Variants in NTM observed in about 807,000 individuals in gnomAD.
NTM encodes the protein IgLON family member 2.
NTM carries 13 observed loss-of-function variants against 42.1 expected under a neutral mutation model. The observed-to-expected ratio is 0.31, with a 90% CI of 0.20 to 0.49. NTM has a LOEUF of 0.49. Ranked by LOEUF, NTM falls within the 20% of genes least tolerant of loss-of-function variation. The pLI is 0.99. For missense variants in NTM, 373 were observed against 452.8 expected (o/e 0.82, Z 1.60); for synonymous variants, 187 against 179.2 (o/e 1.04, Z -0.35).
intron 4 of NTM, among the ~76,000 whole-genome samples, chr11:132,243,692 AGT>A (rs770868419): frequency 6.6e-6 from 1 of 152,190 alleles, no homozygotes; most frequent in Non-Finnish European, 1.5e-5. Flanking sequence ...ACCTTATGAC[AGT>A]GTGTTTTTAC....
At chr11:131,676,849 A>T (rs1032256800) in intron 1 of NTM, among the ~76,000 whole-genome samples, 2 of 152,228 alleles carry the variant, frequency 1.3e-5, no homozygotes, top group Non-Finnish European at 2.9e-5. Flanking sequence ...GCCCAGATCC[A>T]CTTCAGCCTC....
At chr11:131,467,736 G>A (rs1591755751) in intron 1 of NTM, among the ~76,000 whole-genome samples, 1 of 152,256 alleles carries the variant, frequency 6.6e-6, no homozygotes, top group East Asian at 1.9e-4. Context: ...ATATAGAAAG[G>A]ATATTTTATG....
At chr11:131,417,196 T>G (rs1332940536) in intron 1 of NTM, among the ~76,000 whole-genome samples, 1 of 152,184 alleles carries the variant, frequency 6.6e-6, no homozygotes, top group Non-Finnish European at 1.5e-5. Flanking sequence ...CAAATACCAT[T>G]TGTTTCATCT....
rs1555127949 is a variant in NTM at position 131,789,636 on chromosome 11, A to AGAAGAAGGAAGAAG, written c.83-121928_83-121927insGAAGAAGGAAGAAG. Among the ~76,000 whole-genome samples, 2 of 30,900 alleles carry AGAAGAAGGAAGAAG rather than the reference A, an allele frequency of 6.5e-5. 1 individual carries two copies. Among genetic ancestry groups the AGAAGAAGGAAGAAG allele is most frequent in the African/African-American group, 2.4e-4 (2 of 8,276 alleles). 20.3% of individuals were successfully genotyped at this position (30,900 alleles called of 152,430 possible). A position where few individuals can be genotyped will look rare whatever the true frequency, so the allele number is the denominator to read the frequency against. ...AAGAAGAAGAAGAAGAAGAAGAAGA[A>AGAAGAAGGAAGAAG]AAGAAGAAGAAGAAGAAGAAGAAGA... On this transcript the variant is annotated intron_variant, in intron 1 of 8. Transcript: ENST00000683400.
In NTM at chr11:131,658,891, A is replaced by G. The variant is rs1876226; in HGVS notation, c.83-252673A>G. 3.8e-3 allele frequency among the ~76,000 whole-genome samples: 574 copies of G among 152,218 alleles called. 1 individual carries two copies. Among genetic ancestry groups the G allele is most frequent in the African/African-American group, 0.012 (505 of 41,514 alleles). ...GAGGCTGAGGCACGAGAATCGCTTGAACCAGGGCATCAGAGGTTGGCAGTG... is the reference window on the plus strand; with the variant it reads ...GAGGCTGAGGCACGAGAATCGCTTGGACCAGGGCATCAGAGGTTGGCAGTG... On this transcript the variant is annotated intron_variant, in intron 1 of 8. Transcript: ENST00000683400.
intron 1 of NTM, among the ~76,000 whole-genome samples, chr11:131,550,695 C>T (rs766543734): frequency 7.9e-5 from 12 of 151,950 alleles, no homozygotes; most frequent in Non-Finnish European, 1.6e-4. Context: ...TTCTTCATAG[C>T]ATTGTGAAAA....
intron 1 of NTM, among the ~76,000 whole-genome samples, chr11:131,808,635 G>T (rs1169239107): frequency 2.6e-5 from 4 of 152,194 alleles, no homozygotes; most frequent in African/African-American, 7.2e-5. Context: ...ACAGAGGAGT[G>T]GTCATGAACC....
chr11:132,219,828 T>A (rs1243140958), intron 4 of NTM, among the ~76,000 whole-genome samples: 3 of 152,186 alleles, frequency 2.0e-5, no homozygotes, highest in Non-Finnish European at 4.4e-5. Flanking sequence ...TCCTCTTCAC[T>A]CCCACCCGTG....
chr11:131,679,527 G>A (rs1291937514), intron 1 of NTM, among the ~76,000 whole-genome samples: 4 of 151,968 alleles, frequency 2.6e-5, no homozygotes, highest in Admixed American at 1.3e-4. Flanking sequence ...ACAGAAGTGC[G>A]GGCATGCTGC....
At chr11:132,127,757 C>T (rs566190709) in intron 2 of NTM, among the ~76,000 whole-genome samples, 1 of 152,190 alleles carries the variant, frequency 6.6e-6, no homozygotes, top group Non-Finnish European at 1.5e-5. Context: ...TTTAGTCTCC[C>T]TACATTCACA....
At chr11:131,642,870 C>T (rs1199654625) in intron 1 of NTM, among the ~76,000 whole-genome samples, 2 of 152,158 alleles carry the variant, frequency 1.3e-5, no homozygotes, top group East Asian at 1.9e-4. Context: ...CCTGACTTGA[C>T]TCCTCTAACA....
At chr11:131,845,788 T>C (rs948274722) in intron 1 of NTM, among the ~76,000 whole-genome samples, 2 of 152,002 alleles carry the variant, frequency 1.3e-5, no homozygotes, top group Non-Finnish European at 2.9e-5. Context: ...GACAAAAATA[T>C]ACCTTTGAAC....
In NTM at chr11:132,326,916, A is replaced by G. The variant is rs567543797; in HGVS notation, c.935-3237A>G. Among the ~76,000 whole-genome samples, 16 of 152,308 alleles carry G rather than the reference A, an allele frequency of 1.1e-4. No individual in the cohort carries two copies. The East Asian group carries it at 2.9e-3, about 28-fold the overall frequency. ...AGGAAAGATTTATATGAATGCATGG[A>G]TTTCCACTGACAGAGTACACTTGGC... On this transcript the variant is annotated intron_variant, in intron 7 of 8. Coordinates refer to ENST00000683400, the MANE Select transcript of NTM (RefSeq NM_001352005.2).
rs567630437 is a variant in NTM at position 131,942,963 on chromosome 11, C to T, written c.167+31315C>T. On this transcript the variant is annotated intron_variant, in intron 2 of 8. Transcript: ENST00000683400. ...CCTGTCTCAAAAAAAAAAAAAAATG[C>T]GTAGAGTTTAGCCATGTGGGGCTAC... 5.0e-4 allele frequency among the ~76,000 whole-genome samples: 73 copies of T among 145,708 alleles called. No homozygotes were observed. In the South Asian group the frequency reaches 5.8e-3, roughly 12 times the overall value.
At chr11:131,659,472 A>T (rs1381438352) in intron 1 of NTM, among the ~76,000 whole-genome samples, 7 of 152,196 alleles carry the variant, frequency 4.6e-5, no homozygotes, top group African/African-American at 1.7e-4. Flanking sequence ...TCTATAGGGC[A>T]TGGTGGCCGG....
At chr11:131,953,269 T>C (rs1426859826) in intron 2 of NTM, among the ~76,000 whole-genome samples, 2 of 152,192 alleles carry the variant, frequency 1.3e-5, no homozygotes, top group African/African-American at 2.4e-5. Flanking sequence ...TCTATTTTTT[T>C]CCATATTTTT....
intron 1 of NTM, among the ~76,000 whole-genome samples, chr11:131,625,911 C>T (rs1256965127): frequency 6.6e-6 from 1 of 152,170 alleles, no homozygotes; most frequent in Non-Finnish European, 1.5e-5. Context: ...ACTCTCATTG[C>T]TGTGTAGTGT....
At chr11:132,072,438 T>A (rs1472856825) in intron 2 of NTM, among the ~76,000 whole-genome samples, 1 of 152,192 alleles carries the variant, frequency 6.6e-6, no homozygotes, top group Non-Finnish European at 1.5e-5. Context: ...GATTTGTTGC[T>A]TTTGGTATTT....
At chr11:131,477,239 T>A (rs1458882739) in intron 1 of NTM, among the ~76,000 whole-genome samples, 1 of 151,996 alleles carries the variant, frequency 6.6e-6, no homozygotes, top group Non-Finnish European at 1.5e-5. Flanking sequence ...CAAATCTCCA[T>A]CTCAGAGATG....
Sources: gnomAD v4.1 joint callset for allele counts (sites outside exome capture counted in the v4.1 genomes callset) on GRCh38, gnomAD v4.1.1 for gene constraint, MANE v1.5 for transcripts, NCBI Gene and HGNC (gene_info 2026-07-23, HGNC 2026-07-21) for gene names.